SLC6A11: variants seen among roughly 807,000 people sequenced by gnomAD.
SLC6A11 encodes the protein sodium- and chloride-dependent GABA transporter 3.
A neutral mutation model predicts 74.8 loss-of-function variants in SLC6A11; 25 were observed. The ratio of observed to expected loss-of-function variants is 0.33; its 90% confidence interval spans 0.24 to 0.47. The LOEUF is 0.47. SLC6A11 is among the 20% of genes least tolerant of loss of function. The pLI, the probability that SLC6A11 is intolerant of heterozygous loss-of-function variation, is 1.00. For missense variants in SLC6A11, 574 were observed against 837.0 expected (o/e 0.69, Z 3.88); for synonymous variants, 330 against 330.2 (o/e 1.00, Z 0.01).
At chr3:10,872,053 C>T (rs17033567) in intron 5 of SLC6A11, among the ~76,000 whole-genome samples, 22,387 of 152,220 alleles carry the variant, frequency 0.15, 2,319 homozygotes, top group African/African-American at 0.29. Context: ...TGACTTGACT[C>T]TTCTGAAAAT....
chr3:10,889,908 G>A (rs1158574632), intron 6 of SLC6A11, among the ~76,000 whole-genome samples: 1 of 152,186 alleles, frequency 6.6e-6, no homozygotes, highest in Non-Finnish European at 1.5e-5. Context: ...GGGAGAGAGA[G>A]AGAGAGGATC....
At chr3:10,935,968 G>T (rs1382287240) in intron 13 of SLC6A11, among the ~76,000 whole-genome samples, 2 of 152,004 alleles carry the variant, frequency 1.3e-5, no homozygotes, top group Non-Finnish European at 2.9e-5. Context: ...GCCTACCCTG[G>T]ATGTTTCCTG....
At chr3:10,817,802 T>G (rs1575662930) in intron 1 of SLC6A11, among the ~76,000 whole-genome samples, 2 of 152,140 alleles carry the variant, frequency 1.3e-5, no homozygotes, top group Admixed American at 1.3e-4. Flanking sequence ...GCCGCTGGTG[T>G]TGGCGGCTTG....
In SLC6A11 at chr3:10,844,322, G is replaced by A; in HGVS notation, c.732G>A (p.Trp244Ter). The part of the protein sequence containing the change: ...AAWTICYFCI[W>*]KGTKSTGKVV... ...GGACCATCTGTTACTTCTGTATCTG[G>A]AAGGGGACCAAGTCTACAGGAAAGG... Residue 244 changes from tryptophan (W) to a stop codon, truncating the protein, a stop_gained, in exon 5 of 14, where the codon TGG (tryptophan) becomes TGA (stop). Coordinates refer to ENST00000254488, the MANE Select transcript of SLC6A11 (RefSeq NM_014229.3). LOFTEE classifies it high-confidence loss of function. 1 of 1,614,200 alleles carries A rather than the reference G, an allele frequency of 6.2e-7. No individual in the cohort carries two copies. The highest frequency in any genetic ancestry group is 8.5e-7 in the Non-Finnish European group (1 of 1,180,038).
intron 6 of SLC6A11, among the ~76,000 whole-genome samples, chr3:10,876,710 A>T (rs1694910332): frequency 8.3e-6 from 1 of 121,108 alleles, no homozygotes; most frequent in Non-Finnish European, 1.7e-5. Flanking sequence ...GGGAAAATCC[A>T]GGTGGCACCT....
rs1198051184 is a variant in SLC6A11, at chr3:10,816,684, C to G, written c.256+163C>G. Among the ~76,000 whole-genome samples the G allele has an allele frequency of 6.6e-6, 1 of 152,208 alleles. No individual in the cohort carries two copies. Among genetic ancestry groups the G allele is most frequent in the Non-Finnish European group, 1.5e-5 (1 of 68,042 alleles). On this transcript the variant is annotated intron_variant, in intron 1 of 13. Transcript: ENST00000254488. This position sits in a 1 kb window ranked among gnomAD's most constrained non-coding sequence, Gnocchi z 4.2. ...CGTGTGAGCTCGCCCCGGAGCGCGG[C>G]CCACCTGTGCCAGTGCGCACGCGCA...
At chr3:10,898,459 AT>A (rs1194091668) in intron 6 of SLC6A11, among the ~76,000 whole-genome samples, 1 of 152,196 alleles carries the variant, frequency 6.6e-6, no homozygotes, top group Non-Finnish European at 1.5e-5. Context: ...CTGCTTAGAA[AT>A]TTCTTCCACC....
rs543592250 is a variant in SLC6A11, at chr3:10,832,903, G to A, written c.623+9511G>A. ...AAAGAAGAAAATACAGCACACAACA[G>A]GATTTGGGTTTCCAAGCTGCTGAAG... is the stretch of plus-strand genomic sequence containing the variant. On this transcript the variant is annotated intron_variant, in intron 4 of 13. Coordinates refer to ENST00000254488, the MANE Select transcript of SLC6A11 (RefSeq NM_014229.3). Among the ~76,000 whole-genome samples the A allele has an allele frequency of 6.6e-5, 10 of 152,290 alleles. No individual in the cohort carries two copies. In the East Asian group the frequency reaches 1.7e-3, roughly 26 times the overall value.
At chr3:10,899,208 C>T (rs1433392843) in intron 6 of SLC6A11, among the ~76,000 whole-genome samples, 1 of 152,180 alleles carries the variant, frequency 6.6e-6, no homozygotes, top group African/African-American at 2.4e-5. Flanking sequence ...AATTTCCTCT[C>T]TGCATCTCCG....
rs549509264 is a variant in SLC6A11 at position 10,908,383 on chromosome 3, A to G, written c.892-3707A>G. Among the ~76,000 whole-genome samples, 8 of 152,320 alleles carry G rather than the reference A, an allele frequency of 5.3e-5. No homozygotes were observed. In the East Asian group the frequency reaches 9.6e-4, roughly 18 times the overall value. Reference sequence around the variant, plus strand: ...CAGAGAACCAACAGACTGTCAGAAAAGGGGAGGATTAAGCGTATTGTGTAA... The same window carrying G: ...CAGAGAACCAACAGACTGTCAGAAAGGGGGAGGATTAAGCGTATTGTGTAA... On this transcript the variant is annotated intron_variant, in intron 6 of 13. Coordinates refer to ENST00000254488, the MANE Select transcript of SLC6A11 (RefSeq NM_014229.3).
At chr3:10,873,553 C>CCTATCCTATCCTAT (rs1559566896) in intron 5 of SLC6A11, among the ~76,000 whole-genome samples, 1 of 88,172 alleles carries the variant, frequency 1.1e-5, no homozygotes, top group Non-Finnish European at 2.0e-5. Context: ...TCCTATCCTA[C>CCTATCCTATCCTAT]CCTACCCTAC....
At chr3:10,830,862 T>G (rs1464516221) in intron 4 of SLC6A11, among the ~76,000 whole-genome samples, 2 of 152,070 alleles carry the variant, frequency 1.3e-5, no homozygotes, top group African/African-American at 4.8e-5. Context: ...AGTTGTGTGA[T>G]CAGGCCTGGG....
Position 10,918,398 on chromosome 3 carries a change from C to T in SLC6A11, c.1065C>T (p.Val355=). 6.2e-7 allele frequency: 1 copy of T among 1,609,376 alleles called. No homozygotes were observed. Among genetic ancestry groups the T allele is most frequent in the Non-Finnish European group, 8.5e-7 (1 of 1,178,280 alleles). Residue 355 remains valine (V), a synonymous_variant, in exon 8 of 14, where the codon GTC becomes GTT. Coordinates refer to ENST00000254488, the MANE Select transcript of SLC6A11 (RefSeq NM_014229.3). This position sits in a 1 kb window ranked among gnomAD's most constrained non-coding sequence, Gnocchi z 4.5. ...TGGCTGGGTTTGCCATCTTCTCAGT[C>T]CTGGGTTTTATGGCGTACGAGCAGG... ...SFVAGFAIFS[V]LGFMAYEQGV...
At chr3:10,905,561 T>A (rs908462981) in intron 6 of SLC6A11, among the ~76,000 whole-genome samples, 1 of 152,262 alleles carries the variant, frequency 6.6e-6, no homozygotes. Flanking sequence ...TATTGTTTAA[T>A]ACAGAGTAAC....
chr3:10,933,907 C>G, intron 11 of SLC6A11, 159 bp from the exon 12 acceptor site: 1 of 559,392 alleles, frequency 1.8e-6, no homozygotes. Context: ...TGAAACCTCA[C>G]ACATGTAACA....
intron 5 of SLC6A11, among the ~76,000 whole-genome samples, chr3:10,850,268 A>G (rs942725670): frequency 6.6e-6 from 1 of 152,194 alleles, no homozygotes; most frequent in Non-Finnish European, 1.5e-5. Context: ...ATCCTTAAAA[A>G]TTTCACTCCA....
chr3:10,869,500 G>A (rs138220867), intron 5 of SLC6A11, among the ~76,000 whole-genome samples: 27 of 152,352 alleles, frequency 1.8e-4, no homozygotes, highest in Non-Finnish European at 2.8e-4. Context: ...CAGGACAAAC[G>A]TCTTGGGTGG....
At chr3:10,865,490 C>T (rs1185889070) in intron 5 of SLC6A11, among the ~76,000 whole-genome samples, 3 of 152,068 alleles carry the variant, frequency 2.0e-5, no homozygotes, top group African/African-American at 4.8e-5. Context: ...GGTGAAACCC[C>T]GTCTCTACTA....
intron 5 of SLC6A11, among the ~76,000 whole-genome samples, chr3:10,856,294 G>A (rs989672603): frequency 6.6e-5 from 10 of 152,326 alleles, no homozygotes; most frequent in Middle Eastern, 3.4e-3. Context: ...GGGAGACTGC[G>A]GGTTGAGAGG....
Sources: gnomAD v4.1 joint callset for allele counts (sites outside exome capture counted in the v4.1 genomes callset) on GRCh38, gnomAD v4.1.1 for gene constraint, Gnocchi (gnomAD v3.1) non-coding constraint, MANE v1.5 for transcripts, NCBI Gene and HGNC (gene_info 2026-07-23, HGNC 2026-07-21) for gene names.